FHIP2A: variants seen among roughly 807,000 people sequenced by gnomAD.
FHIP2A encodes FHF complex subunit HOOK interacting protein 2A, also known as family with sequence similarity 160 member B1.
FHIP2A carries 46 observed loss-of-function variants against 93.5 expected under a neutral mutation model. The ratio of observed to expected loss-of-function variants is 0.49; its 90% confidence interval spans 0.39 to 0.63. The LOEUF (loss-of-function observed/expected upper bound fraction) is 0.63. Among genes scored for constraint, FHIP2A ranks in the 20% least tolerant of loss-of-function variants. FHIP2A has a pLI of 0.00. For synonymous variants in FHIP2A, 332 were observed against 326.5 expected (o/e 1.02, Z -0.18); for missense variants, 769 against 909.7 (o/e 0.85, Z 1.99).
intron 13 of FHIP2A, among the ~76,000 whole-genome samples, chr10:114,854,655 A>G (rs1486750102): frequency 1.3e-5 from 2 of 152,142 alleles, no homozygotes; most frequent in African/African-American, 4.8e-5. Context: ...TCCTCATCTC[A>G]TTGTGGACGG....
At chr10:114,888,406 T>G (rs937897844) in intron 16 of FHIP2A, among the ~76,000 whole-genome samples, 1 of 152,086 alleles carries the variant, frequency 6.6e-6, no homozygotes, top group African/African-American at 2.4e-5. Context: ...TGATCAGGAA[T>G]TATCCAGTTT....
chr10:114,890,682 CAT>C (rs1364565432), intron 16 of FHIP2A, among the ~76,000 whole-genome samples: 1 of 144,202 alleles, frequency 6.9e-6, no homozygotes, highest in East Asian at 2.0e-4. Context: ...CCGTATATGA[CAT>C]ATAGTATATA....
chr10:114,833,632 A>C (rs74158072), intron 3 of FHIP2A, among the ~76,000 whole-genome samples: 5,940 of 152,278 alleles, frequency 0.039, 329 homozygotes, highest in African/African-American at 0.12. Context: ...TTAGAATTCC[A>C]ATGTAAACAT....
chr10:114,863,162 CAAA>C lies in FHIP2A; in HGVS notation c.*1623_*1625del. 1 of 977,872 alleles carries C rather than the reference CAAA, an allele frequency of 1.0e-6. No homozygotes were observed. The highest frequency in any genetic ancestry group is 4.7e-5 in the South Asian group (1 of 21,144). The allele number at this position is 977,872 out of a possible 1,614,324, so 60.6% of individuals were successfully genotyped here. On this transcript the variant is annotated 3_prime_UTR_variant, in exon 17 of 17. Transcript: ENST00000369248. ...ATTCTAAGAAATTTATTAAGTAAAA[CAAA>C]GAAAAAACAGAAGTGGGAGATAGTT...
At chr10:114,842,535 C>T (rs1275033337) in intron 5 of FHIP2A, among the ~76,000 whole-genome samples, 2 of 152,052 alleles carry the variant, frequency 1.3e-5, no homozygotes, top group East Asian at 1.9e-4. Context: ...AACCACCCCC[C>T]CCACCCTATG....
At chr10:114,831,962 T>C (rs1161978885) in intron 2 of FHIP2A, among the ~76,000 whole-genome samples, 1 of 152,226 alleles carries the variant, frequency 6.6e-6, no homozygotes, top group South Asian at 2.1e-4. Flanking sequence ...CTTAGTGTTA[T>C]GGTTTTCTGT....
chr10:114,884,668 T>G (rs2083932973), intron 16 of FHIP2A, among the ~76,000 whole-genome samples: 1 of 152,082 alleles, frequency 6.6e-6, no homozygotes, highest in African/African-American at 2.4e-5. Context: ...ATCCCAGCAC[T>G]TTGGGAGGCT....
chr10:114,843,275 T>TTAGGG, intron 6 of FHIP2A, 49 bp downstream of exon 6: 1 of 1,149,916 alleles, frequency 8.7e-7, no homozygotes, highest in Non-Finnish European at 1.2e-6. Flanking sequence ...TTCAATAATG[T>TTAGGG]GTATTTATTT....
chr10:114,824,878 AC>A (rs1272393357), intron 1 of FHIP2A, among the ~76,000 whole-genome samples: 5 of 152,208 alleles, frequency 3.3e-5, no homozygotes, highest in African/African-American at 1.2e-4. Context: ...GACAGAAAAT[AC>A]CTGGATGCTG....
At position 114,870,613 on chromosome 10, in the gene FHIP2A, G is replaced by A. The variant is rs184944312; in HGVS notation, c.2192+9279G>A. Reference sequence around the variant, plus strand: ...AATGTTGAGGTCTGAGGTCCAAAATGTATTGTATTGTTGCAAGGCTACAGT... The same window carrying A: ...AATGTTGAGGTCTGAGGTCCAAAATATATTGTATTGTTGCAAGGCTACAGT... On this transcript the variant is annotated intron_variant, in intron 16 of 16. Coordinates refer to the FHIP2A transcript ENST00000369250. Among the ~76,000 whole-genome samples, 7 of 152,284 alleles carry A rather than the reference G, an allele frequency of 4.6e-5. No individual in the cohort carries two copies. The East Asian group carries it at 9.7e-4, about 21-fold the overall frequency.
chr10:114,828,220 T>A (rs969105704), intron 1 of FHIP2A, among the ~76,000 whole-genome samples: 1 of 152,192 alleles, frequency 6.6e-6, no homozygotes, highest in South Asian at 2.1e-4. Context: ...ATCTAACTCC[T>A]GGAGGGAGGT....
At chr10:114,878,260 C>T (rs1331321285) in intron 16 of FHIP2A, among the ~76,000 whole-genome samples, 1 of 152,130 alleles carries the variant, frequency 6.6e-6, no homozygotes, top group African/African-American at 2.4e-5. Flanking sequence ...TGTGAACATA[C>T]TTCAAATCAC....
chr10:114,857,521 G>A (rs1166589685), intron 14 of FHIP2A, among the ~76,000 whole-genome samples: 1 of 151,830 alleles, frequency 6.6e-6, no homozygotes, highest in South Asian at 2.1e-4. Context: ...TATTGCTCAG[G>A]CTGGTCTTGA....
At chr10:114,845,550 C>G (rs970820384) in intron 8 of FHIP2A, 69 bp downstream of exon 8, 2 of 900,220 alleles carry the variant, frequency 2.2e-6, no homozygotes, top group Non-Finnish European at 3.4e-6. Flanking sequence ...ATTGGAATCC[C>G]TAATTTATAT....
downstream of FHIP2A, among the ~76,000 whole-genome samples, chr10:114,865,374 A>C (rs930975552): frequency 1.3e-5 from 2 of 152,172 alleles, no homozygotes; most frequent in Non-Finnish European, 2.9e-5. Flanking sequence ...ACTTAAAACA[A>C]TTAGACTCTA....
chr10:114,872,738 C>G (rs2083865863), intron 16 of FHIP2A, among the ~76,000 whole-genome samples: 1 of 152,218 alleles, frequency 6.6e-6, no homozygotes, highest in Non-Finnish European at 1.5e-5. Flanking sequence ...CAATCAATCA[C>G]TGGTGACAAC....
At chr10:114,831,878 C>A (rs2083610034) in intron 2 of FHIP2A, among the ~76,000 whole-genome samples, 1 of 152,160 alleles carries the variant, frequency 6.6e-6, no homozygotes, top group African/African-American at 2.4e-5. Context: ...TGTCCCATAC[C>A]ATATCAAACT....
At chr10:114,838,202 A>G (rs1160016863) in intron 5 of FHIP2A, among the ~76,000 whole-genome samples, 4 of 152,060 alleles carry the variant, frequency 2.6e-5, no homozygotes, top group African/African-American at 7.2e-5. Context: ...TTGTTTTGTT[A>G]TTTTTAAATG....
intron 16 of FHIP2A, among the ~76,000 whole-genome samples, chr10:114,878,791 A>AAAAAG (rs1555247326): frequency 0.17 from 22,434 of 133,824 alleles, 2,714 homozygotes; most frequent in Non-Finnish European, 0.26. Context: ...AAAAAAAAAA[A>AAAAAG]AAAGAAAGAA....
Sources: gnomAD v4.1 joint callset for allele counts (sites outside exome capture counted in the v4.1 genomes callset) on GRCh38, gnomAD v4.1.1 for gene constraint, MANE v1.5 for transcripts, NCBI Gene and HGNC (gene_info 2026-07-23, HGNC 2026-07-21) for gene names.